Variants in UCP2 observed in about 807,000 individuals in gnomAD.
The protein encoded by UCP2 is uncoupling protein 2.
Under a neutral mutation model 31.3 loss-of-function variants are expected in UCP2, and 27 were observed. The observed-to-expected ratio is 0.86, with a 90% CI of 0.64 to 1.19. The LOEUF is 1.19. Among genes scored for constraint, UCP2 ranks in the 50% most tolerant of loss-of-function variants. UCP2 has a pLI of 0.00. For synonymous variants in UCP2, 142 were observed against 157.4 expected (o/e 0.90, Z 0.73); for missense variants, 377 against 413.5 (o/e 0.91, Z 0.76).
At position 73,974,890 on chromosome 11, in the gene UCP2, A is replaced by G; in HGVS notation, c.*117T>C. 1.1e-6 allele frequency: 1 copy of G among 880,282 alleles called. No homozygotes were observed. Among genetic ancestry groups the G allele is most frequent in the Non-Finnish European group, 1.9e-6 (1 of 536,056 alleles). 54.5% of individuals were successfully genotyped at this position (880,282 alleles called of 1,614,324 possible). ...TGGTAGGTAAAGGAGCGGAAGGAAG[A>G]GGTGGGGAAAGAGGGAAGGAGAGAA... On this transcript the variant is annotated 3_prime_UTR_variant, in exon 8 of 8. Coordinates refer to ENST00000663595, the MANE Select transcript of UCP2 (RefSeq NM_003355.3).
At chr11:73,982,463 T>C (rs1404360206) in intron 1 of UCP2, among the ~76,000 whole-genome samples, 1 of 152,102 alleles carries the variant, frequency 6.6e-6, no homozygotes, top group East Asian at 1.9e-4. Flanking sequence ...CGGGCGCCTG[T>C]AATCCCAGCT....
chr11:73,976,286 C>A (rs1174778681), intron 6 of UCP2, among the ~76,000 whole-genome samples: 1 of 152,124 alleles, frequency 6.6e-6, no homozygotes, highest in African/African-American at 2.4e-5. Flanking sequence ...ATCGCTTGAA[C>A]CCAGGAGGAG....
chr11:73,974,963 C>G lies in UCP2; in HGVS notation c.*44G>C. On this transcript the variant is annotated 3_prime_UTR_variant, in exon 8 of 8. Transcript: ENST00000663595. ...GGAAGAAAAGGAAAGCATGGCCCGGCTAGAGACAAAGCCAGAGGTGATCAG... is the reference window on the plus strand; with the variant it reads ...GGAAGAAAAGGAAAGCATGGCCCGGGTAGAGACAAAGCCAGAGGTGATCAG... The G allele has an allele frequency of 7.7e-7, 1 of 1,297,502 alleles. No individual in the cohort carries two copies. The highest frequency in any genetic ancestry group is 1.0e-6 in the Non-Finnish European group (1 of 972,856). The allele number at this position is 1,297,502 out of a possible 1,614,324, so 80.4% of individuals were successfully genotyped here.
In UCP2 at chr11:73,977,094, C is replaced by A. The variant is rs190487371; in HGVS notation, c.338-77G>T. ...CCTCATCTCTCCTCACCAAAACCACCCTGTCACTGTCATCTCCTGCTTTTG... is the reference window on the plus strand; with the variant it reads ...CCTCATCTCTCCTCACCAAAACCACACTGTCACTGTCATCTCCTGCTTTTG... On this transcript the variant is annotated intron_variant, in intron 4 of 7. Coordinates refer to ENST00000663595, the MANE Select transcript of UCP2 (RefSeq NM_003355.3). 5.3e-5 allele frequency: 77 copies of A among 1,443,394 alleles called. No homozygotes were observed. The African/African-American group carries it at 1.0e-3, about 20-fold the overall frequency. 89.4% of individuals were successfully genotyped at this position (1,443,394 alleles called of 1,614,324 possible). A position where few individuals can be genotyped will look rare whatever the true frequency, so the allele number is the denominator to read the frequency against.
chr11:73,982,029 C>T (rs1281560019), intron 1 of UCP2, among the ~76,000 whole-genome samples: 1 of 152,050 alleles, frequency 6.6e-6, no homozygotes, highest in Non-Finnish European at 1.5e-5. Context: ...CTGCAGAGGC[C>T]AGATTGAGCA....
intron 1 of UCP2, among the ~76,000 whole-genome samples, chr11:73,982,247 G>C (rs1951470748): frequency 6.6e-6 from 1 of 152,196 alleles, no homozygotes; most frequent in Non-Finnish European, 1.5e-5. Flanking sequence ...AAGAACAAAA[G>C]GGACTAAGAA....
chr11:73,978,432 C>T lies in UCP2; in HGVS notation c.-54G>A, dbSNP rs1197864266. 5.6e-6 allele frequency: 9 copies of T among 1,611,326 alleles called. No homozygotes were observed. Among genetic ancestry groups the T allele is most frequent in the South Asian group, 1.1e-5 (1 of 90,720 alleles). ...GATGGAGAAAAACTGGAGACAGGGG[C>T]ACCTTTAATCAGCAACAAGACGAGA... On this transcript the variant is annotated 5_prime_UTR_variant, in exon 3 of 8. Transcript: ENST00000663595.
chr11:73,982,961 C>T (rs1951487314), upstream of UCP2: 2 of 152,312 alleles, frequency 1.3e-5, no homozygotes, highest in Admixed American at 6.5e-5. Context: ...CTGGAGCAGC[C>T]GCCTTTCCGC....
At chr11:73,980,930 C>A (rs1249118393) in intron 2 of UCP2, 1 of 152,220 alleles carries the variant, frequency 6.6e-6, no homozygotes, top group Non-Finnish European at 1.5e-5. Context: ...TAAGACCCAG[C>A]TGCTGCCCAA....
Position 73,975,643 on chromosome 11 carries a change from G to A in UCP2, c.663C>T (p.Ala221=), listed in dbSNP as rs1951331401. 3.1e-6 allele frequency: 5 copies of A among 1,614,246 alleles called. No individual in the cohort carries two copies. The highest frequency in any genetic ancestry group is 4.2e-6 in the Non-Finnish European group (5 of 1,180,046). The change falls in exon 7 of 8, where the codon GCC becomes GCT. Residue 221 remains alanine, a synonymous_variant. Coordinates refer to ENST00000663595, the MANE Select transcript of UCP2 (RefSeq NM_003355.3). The stretch of plus-strand genomic sequence containing the variant: ...CAGTGGTGCAGAAGCCTGCCCCAAA[G>A]GCAGAAGTGAAGTGGCAAGGGAGGT... ...TDDLPCHFTS[A]FGAGFCTTVI...
Position 73,978,238 on chromosome 11 carries a change from G to T in UCP2, c.126+15C>A, listed in dbSNP as rs1284832645. On this transcript the variant is annotated intron_variant, in intron 3 of 7. Transcript: ENST00000663595. ...GAGTAGACACCATCAAGACTCCCAG[G>T]CTTCATCCCCTCACCTGTAACCGGA... The T allele has an allele frequency of 1.2e-6, 2 of 1,614,122 alleles. No individual in the cohort carries two copies. Among genetic ancestry groups the T allele is most frequent in the Admixed American group, 3.3e-5 (2 of 60,016 alleles).
At chr11:73,982,315 G>T (rs1273294230) in intron 1 of UCP2, among the ~76,000 whole-genome samples, 2 of 152,240 alleles carry the variant, frequency 1.3e-5, no homozygotes, top group Non-Finnish European at 2.9e-5. Context: ...GGCCGGACCC[G>T]GAGGCTCATG....
intron 2 of UCP2, chr11:73,981,098 C>T (rs140583448): frequency 6.6e-6 from 1 of 152,296 alleles, no homozygotes; most frequent in African/African-American, 2.4e-5. Context: ...AGCAAATAAC[C>T]AGTTTCAGAG....
intron 7 of UCP2, 24 bp from the exon 8 acceptor site, chr11:73,975,145 A>C: frequency 6.3e-6 from 10 of 1,588,378 alleles, no homozygotes; most frequent in Non-Finnish European, 8.6e-6. Context: ...ATCACAGGTC[A>C]TGGGGGCACC....
At chr11:73,977,054 T>C in intron 4 of UCP2, 37 bp from the exon 5 acceptor site, 1 of 1,565,366 alleles carries the variant, frequency 6.4e-7, no homozygotes, top group Non-Finnish European at 8.7e-7. Flanking sequence ...CCAGCGGGCT[T>C]GCACTCATTT....
chr11:73,980,324 G>C (rs762785649), intron 2 of UCP2, among the ~76,000 whole-genome samples: 5 of 152,162 alleles, frequency 3.3e-5, no homozygotes, highest in Non-Finnish European at 5.9e-5. Context: ...AGCTCACCCA[G>C]CTTCCTCTTG....
Position 73,976,704 on chromosome 11 carries a change from A to G in UCP2, c.571T>C (p.Cys191Arg). ...PNVARNAIVN[C>R]AELVTYDLIK... ...AGGTCATAGGTCACCAGCTCAGCACAGTTGACAATGGCATTACGAGCAACA... is the reference window on the plus strand; with the variant it reads ...AGGTCATAGGTCACCAGCTCAGCACGGTTGACAATGGCATTACGAGCAACA... The change falls in exon 6 of 8, where the codon TGT becomes CGT. Residue 191 changes from cysteine to arginine, a missense_variant. By Grantham distance (180) the Cys-to-Arg change is radical (BLOSUM62 -3). Coordinates refer to ENST00000663595, the MANE Select transcript of UCP2 (RefSeq NM_003355.3). 1 of 1,614,224 alleles carries G rather than the reference A, an allele frequency of 6.2e-7. No individual in the cohort carries two copies. Among genetic ancestry groups the G allele is most frequent in the Non-Finnish European group, 8.5e-7 (1 of 1,180,034 alleles).
At chr11:73,981,101 T>A (rs560777820) in intron 2 of UCP2, 1 of 152,320 alleles carries the variant, frequency 6.6e-6, no homozygotes, top group South Asian at 2.1e-4. Flanking sequence ...AAATAACCAG[T>A]TTCAGAGCCG....
intron 5 of UCP2, 30 bp downstream of exon 5, chr11:73,976,793 A>G: frequency 6.2e-7 from 1 of 1,614,200 alleles, no homozygotes; most frequent in Non-Finnish European, 8.5e-7. Context: ...GGGAGGAGGA[A>G]AAGGGGAAGG....
Sources: gnomAD v4.1 joint callset for allele counts (sites outside exome capture counted in the v4.1 genomes callset) on GRCh38, gnomAD v4.1.1 for gene constraint, MANE v1.5 for transcripts, NCBI Gene and HGNC (gene_info 2026-07-23, HGNC 2026-07-21) for gene names.